CELF1: variants seen among roughly 807,000 people sequenced by gnomAD.
CELF1 encodes 50 kDa nuclear polyadenylated RNA-binding protein.
Under a neutral mutation model 61.8 loss-of-function variants are expected in CELF1, and 10 were observed. That is an observed-to-expected ratio of 0.16 (90% CI 0.10 to 0.27). CELF1 has a LOEUF of 0.27. Ranked by LOEUF, CELF1 falls within the 10% of genes least tolerant of loss-of-function variation. CELF1 has a pLI of 1.00. For missense variants in CELF1, 380 were observed against 639.1 expected (o/e 0.59, Z 4.37); for synonymous variants, 236 against 225.1 (o/e 1.05, Z -0.43).
chr11:47,474,890 C>T (rs1023738241), intron 13 of CELF1, among the ~76,000 whole-genome samples: 2 of 152,216 alleles, frequency 1.3e-5, no homozygotes, highest in African/African-American at 4.8e-5. Context: ...TCTGTCCCAT[C>T]ACCCCTCAGT....
chr11:47,563,558 G>A (rs1028858804), intron 2 of CELF1, among the ~76,000 whole-genome samples: 2 of 152,028 alleles, frequency 1.3e-5, no homozygotes, highest in African/African-American at 2.4e-5. Context: ...GCATGGTGGC[G>A]GGCACCTGTA....
At chr11:47,493,587 C>T (rs1213552708) in intron 3 of CELF1, among the ~76,000 whole-genome samples, 1 of 148,866 alleles carries the variant, frequency 6.7e-6, no homozygotes, top group Non-Finnish European at 1.5e-5. Context: ...AATCTTCAAA[C>T]TTAACTCTTT....
upstream of CELF1, among the ~76,000 whole-genome samples, chr11:47,557,357 T>C (rs1001918405): frequency 1.8e-4 from 27 of 149,882 alleles, no homozygotes; most frequent in Non-Finnish European, 3.1e-4. Flanking sequence ...TAGCTGGGAC[T>C]ACAGGCACAT....
At chr11:47,519,298 G>A (rs1231039187) in intron 1 of CELF1, among the ~76,000 whole-genome samples, 1 of 152,044 alleles carries the variant, frequency 6.6e-6, no homozygotes, top group Non-Finnish European at 1.5e-5. Context: ...GGCCAACGGG[G>A]TGAAACCCCA....
At chr11:47,565,510 G>C (rs11039300), upstream of CELF1, 1 of 956,152 alleles carries the variant, frequency 1.0e-6, no homozygotes, top group Non-Finnish European at 1.3e-6. Context: ...CCCGGTGCGA[G>C]CCCGCGAGAG....
intron 2 of CELF1, among the ~76,000 whole-genome samples, chr11:47,561,599 C>T (rs570448570): frequency 6.6e-6 from 1 of 152,282 alleles, no homozygotes; most frequent in South Asian, 2.1e-4. Flanking sequence ...GTGCAGTCCA[C>T]TTTGGAAAAC....
At chr11:47,488,484 TTTG>T (rs1226477211) in intron 4 of CELF1, among the ~76,000 whole-genome samples, 1 of 152,246 alleles carries the variant, frequency 6.6e-6, no homozygotes. Context: ...CAATTTTATC[TTTG>T]TTATCTGTTC....
At chr11:47,492,281 T>C (rs2091833177) in intron 3 of CELF1, among the ~76,000 whole-genome samples, 1 of 152,208 alleles carries the variant, frequency 6.6e-6, no homozygotes, top group Non-Finnish European at 1.5e-5. Flanking sequence ...GCGCCTGGCC[T>C]ATTTTCTTTT....
intron 1 of CELF1, among the ~76,000 whole-genome samples, chr11:47,537,911 T>C (rs2096670019): frequency 6.6e-6 from 1 of 151,846 alleles, no homozygotes; most frequent in African/African-American, 2.4e-5. Context: ...TTTCTTTTTT[T>C]TCTTTTCTTT....
chr11:47,546,253 T>TTTGGGGGG (rs2096944135), intron 1 of CELF1, among the ~76,000 whole-genome samples: 1 of 23,564 alleles, frequency 4.2e-5, no homozygotes, highest in African/African-American at 1.5e-4. Flanking sequence ...TTTTTTTTTT[T>TTTGGGGGG]GGGCGGGGGC....
chr11:47,501,662 C>CA lies in CELF1; in HGVS notation c.-153-731dup, dbSNP rs200413889. ...AAACCCCATCTCTACTAAAAAATAT[C>CA]AAAAAAAAAAATTAGCTGGGCGAGG... On this transcript the variant is annotated intron_variant, in intron 1 of 14. Transcript: ENST00000687097. Among the ~76,000 whole-genome samples the CA allele has an allele frequency of 6.2e-3, 916 of 148,542 alleles. 2 individuals are homozygous for CA. Among genetic ancestry groups the CA allele is most frequent in the African/African-American group, 0.018 (731 of 40,162 alleles).
chr11:47,488,781 A>T (rs2089353375), intron 4 of CELF1, 56 bp downstream of exon 4: 1 of 1,337,640 alleles, frequency 7.5e-7, no homozygotes, highest in Non-Finnish European at 9.8e-7. Flanking sequence ...CAAAGCCCTC[A>T]CCTGCTCTGA....
At chr11:47,527,248 G>A (rs76195390) in intron 1 of CELF1, among the ~76,000 whole-genome samples, 4,994 of 152,000 alleles carry the variant, frequency 0.033, 282 homozygotes, top group African/African-American at 0.11. Flanking sequence ...AAAATTAGCC[G>A]GACATGGTGG....
chr11:47,527,187 A>T (rs949213995), intron 1 of CELF1, among the ~76,000 whole-genome samples: 11 of 152,066 alleles, frequency 7.2e-5, no homozygotes, highest in Non-Finnish European at 1.6e-4. Flanking sequence ...TGTTATTAAA[A>T]GCCTCTTAAC....
At chr11:47,552,337 T>G (rs2097159222) in intron 1 of CELF1, among the ~76,000 whole-genome samples, 1 of 152,188 alleles carries the variant, frequency 6.6e-6, no homozygotes, top group Non-Finnish European at 1.5e-5. Context: ...CCACTGGCTT[T>G]AAAATCAAAG....
At chr11:47,489,146 A>G in intron 3 of CELF1, 122 bp from the exon 4 acceptor site, 1 of 834,502 alleles carries the variant, frequency 1.2e-6, no homozygotes, top group African/African-American at 1.8e-5. Context: ...TACTTCTTTC[A>G]CTACTTCCAT....
At chr11:47,552,369 C>T (rs899939890) in intron 1 of CELF1, among the ~76,000 whole-genome samples, 1 of 152,248 alleles carries the variant, frequency 6.6e-6, no homozygotes, top group Admixed American at 6.5e-5. Context: ...GCGAAGAAAG[C>T]GCTTTAATGT....
intron 1 of CELF1, among the ~76,000 whole-genome samples, chr11:47,519,098 C>T (rs145266770): frequency 6.6e-6 from 1 of 152,358 alleles, no homozygotes; most frequent in Non-Finnish European, 1.5e-5. Context: ...TTTTGTACCT[C>T]TGCTTCAGCC....
chr11:47,555,945 A>T (rs1239358191), upstream of CELF1, among the ~76,000 whole-genome samples: 1 of 147,480 alleles, frequency 6.8e-6, no homozygotes, highest in Non-Finnish European at 1.5e-5. Context: ...GGTTGCAGTG[A>T]GTCGAGATCG....
Sources: gnomAD v4.1 joint callset for allele counts (sites outside exome capture counted in the v4.1 genomes callset) on GRCh38, gnomAD v4.1.1 for gene constraint, MANE v1.5 for transcripts, NCBI Gene and HGNC (gene_info 2026-07-23, HGNC 2026-07-21) for gene names.